CTTNBP2: variants seen among roughly 807,000 people sequenced by gnomAD.
CTTNBP2 encodes cortactin binding protein 2, also known as cortactin-binding protein 2.
CTTNBP2 carries 108 observed loss-of-function variants against 156.9 expected under a neutral mutation model. That is an observed-to-expected ratio of 0.69 (90% CI 0.59 to 0.81). The LOEUF (loss-of-function observed/expected upper bound fraction) is 0.81, where lower values mean the gene tolerates loss of function less well. Among genes scored for constraint, CTTNBP2 ranks in the 30% least tolerant of loss-of-function variants. CTTNBP2 has a pLI of 0.00. For missense variants in CTTNBP2, 1,924 were observed against 2,035.4 expected (o/e 0.95, Z 1.05); for synonymous variants, 767 against 751.8 (o/e 1.02, Z -0.33).
chr7:117,848,784 T>G (rs1224479601), intron 2 of CTTNBP2, among the ~76,000 whole-genome samples: 1 of 152,234 alleles, frequency 6.6e-6, no homozygotes, highest in African/African-American at 2.4e-5. Context: ...TAAACTACTG[T>G]TCTATTCCCT....
At chr7:117,743,514 A>C (rs1796130170) in intron 14 of CTTNBP2, among the ~76,000 whole-genome samples, 2 of 152,000 alleles carry the variant, frequency 1.3e-5, no homozygotes, top group Non-Finnish European at 1.5e-5. Flanking sequence ...TAAATCAGGG[A>C]TGGGACTGTA....
chr7:117,790,045 T>G (rs1272459680), intron 4 of CTTNBP2, among the ~76,000 whole-genome samples: 1 of 152,192 alleles, frequency 6.6e-6, no homozygotes, highest in South Asian at 2.1e-4. Context: ...CTCTCTCCCC[T>G]CAAAGTATTA....
chr7:117,735,268 C>T lies in CTTNBP2; in HGVS notation c.3688+1G>A, dbSNP rs867225856. 4 of 1,612,134 alleles carry T rather than the reference C, an allele frequency of 2.5e-6. No individual in the cohort carries two copies. The highest frequency in any genetic ancestry group is 3.4e-6 in the Non-Finnish European group (4 of 1,179,704). ...CAGCATGGTCCCTTTATTAGCGTTA[C>T]CTTTTTGGAAAGTGCAGGGGCTTTC... is the stretch of plus-strand genomic sequence containing the variant. On this transcript the variant is annotated splice_donor_variant, in intron 15 of 22. Transcript: ENST00000160373. LOFTEE classifies it high-confidence loss of function.
intron 19 of CTTNBP2, among the ~76,000 whole-genome samples, chr7:117,723,094 ACT>A (rs908683678): frequency 6.6e-6 from 1 of 152,110 alleles, no homozygotes; most frequent in African/African-American, 2.4e-5. Flanking sequence ...TAAATCAAAC[ACT>A]CTGACAACTC....
chr7:117,814,278 T>C (rs931741193), intron 2 of CTTNBP2, among the ~76,000 whole-genome samples: 1 of 152,126 alleles, frequency 6.6e-6, no homozygotes, highest in Non-Finnish European at 1.5e-5. Context: ...GTGAAATAGT[T>C]TTTTACATGT....
At chr7:117,720,820 TCAA>T (rs1391011580) in intron 20 of CTTNBP2, among the ~76,000 whole-genome samples, 2 of 152,230 alleles carry the variant, frequency 1.3e-5, no homozygotes, top group African/African-American at 4.8e-5. Context: ...CTAACCTTAT[TCAA>T]CAAATTACAA....
intron 2 of CTTNBP2, among the ~76,000 whole-genome samples, chr7:117,855,008 C>T (rs892058208): frequency 2.0e-5 from 3 of 152,102 alleles, no homozygotes; most frequent in Non-Finnish European, 4.4e-5. Flanking sequence ...TGGTCTCGAA[C>T]TCCTGACCTC....
At position 117,711,378 on chromosome 7, in the gene CTTNBP2, TA is replaced by T; in HGVS notation, c.*158del. 1.3e-6 allele frequency: 1 copy of T among 762,180 alleles called. No individual in the cohort carries two copies. Among genetic ancestry groups the T allele is most frequent in the Non-Finnish European group, 2.0e-6 (1 of 509,180 alleles). The allele number at this position is 762,180 out of a possible 1,614,324, so 47.2% of individuals were successfully genotyped here. A position where few individuals can be genotyped will look rare whatever the true frequency, so the allele number is the denominator to read the frequency against. ...AAAAAAAGCAACAAAATGTTGGTTA[TA>T]AATACATTCTTTACAAAAAAAAATT... On this transcript the variant is annotated 3_prime_UTR_variant, in exon 23 of 23. Coordinates refer to ENST00000160373, the MANE Select transcript of CTTNBP2 (RefSeq NM_033427.3).
At chr7:117,718,372 A>AG (rs1199675689) in intron 21 of CTTNBP2, among the ~76,000 whole-genome samples, 1 of 152,196 alleles carries the variant, frequency 6.6e-6, no homozygotes. Context: ...AGAACTCTCT[A>AG]GGGAAAAAAA....
At chr7:117,859,041 A>C (rs1277591792) in intron 2 of CTTNBP2, among the ~76,000 whole-genome samples, 2 of 152,180 alleles carry the variant, frequency 1.3e-5, no homozygotes, top group Non-Finnish European at 2.9e-5. Flanking sequence ...CTGAGCATTT[A>C]TATATTGAGT....
At chr7:117,798,183 T>C (rs1799426567) in intron 3 of CTTNBP2, among the ~76,000 whole-genome samples, 1 of 152,052 alleles carries the variant, frequency 6.6e-6, no homozygotes, top group South Asian at 2.1e-4. Context: ...ATAATAACAA[T>C]ATCTCACTTA....
At chr7:117,714,770 C>T (rs1375236737) in intron 22 of CTTNBP2, among the ~76,000 whole-genome samples, 1 of 152,174 alleles carries the variant, frequency 6.6e-6, no homozygotes, top group Admixed American at 6.5e-5. Context: ...GCGTGAGCCA[C>T]AGCAATTCAA....
At chr7:117,815,941 C>T (rs955582959) in intron 2 of CTTNBP2, among the ~76,000 whole-genome samples, 2 of 152,088 alleles carry the variant, frequency 1.3e-5, no homozygotes, top group African/African-American at 4.8e-5. Flanking sequence ...ATCCAACCCA[C>T]TACAGGGCAA....
At chr7:117,722,979 T>C (rs572043361) in intron 19 of CTTNBP2, among the ~76,000 whole-genome samples, 2 of 152,292 alleles carry the variant, frequency 1.3e-5, no homozygotes, top group East Asian at 3.9e-4. Context: ...CTTTCTTGCA[T>C]ACTGAAAGGA....
Position 117,711,706 on chromosome 7 carries a change from C to A in CTTNBP2, c.4823G>T (p.Arg1608Ile). The change falls in exon 23 of 23, where the codon AGA (arginine) becomes ATA (isoleucine). Residue 1608 changes from arginine (R) to isoleucine (I), a missense_variant. Physicochemically the swap from Arg to Ile is moderately conservative, Grantham distance 97. Transcript: ENST00000160373. The stretch of plus-strand genomic sequence containing the variant: ...AGGAACAGGAAGAAAAGATTTAACT[C>A]TTGAAACACCCAACTCAGTCTTTGA... ...SKSKTELGVS[R>I]VKSFLPVPRS... 1 of 1,614,006 alleles carries A rather than the reference C, an allele frequency of 6.2e-7. No homozygotes were observed. Among genetic ancestry groups the A allele is most frequent in the Middle Eastern group, 1.6e-4 (1 of 6,062 alleles).
chr7:117,797,542 TC>T (rs1799385194), intron 3 of CTTNBP2, among the ~76,000 whole-genome samples: 1 of 152,154 alleles, frequency 6.6e-6, no homozygotes, highest in South Asian at 2.1e-4. Context: ...GCAGCCATTT[TC>T]AAAGAAAATA....
intron 14 of CTTNBP2, among the ~76,000 whole-genome samples, chr7:117,740,580 T>A (rs1426131146): frequency 1.3e-5 from 2 of 152,232 alleles, no homozygotes; most frequent in Admixed American, 1.3e-4. Flanking sequence ...TTTGATCACT[T>A]TAATTTCTTG....
At chr7:117,866,569 G>C (rs2117281687) in intron 1 of CTTNBP2, among the ~76,000 whole-genome samples, 2 of 152,292 alleles carry the variant, frequency 1.3e-5, no homozygotes, top group Non-Finnish European at 2.9e-5. Context: ...GGAGAAAGCA[G>C]GCAGACTGGA....
chr7:117,755,556 C>G (rs146200015), intron 12 of CTTNBP2: 26 of 470,234 alleles, frequency 5.5e-5, no homozygotes, highest in East Asian at 4.2e-4. Flanking sequence ...TTTTACCTCT[C>G]TCTGTTCAGT....
Sources: gnomAD v4.1 joint callset for allele counts (sites outside exome capture counted in the v4.1 genomes callset) on GRCh38, gnomAD v4.1.1 for gene constraint, MANE v1.5 for transcripts, NCBI Gene and HGNC (gene_info 2026-07-23, HGNC 2026-07-21) for gene names.